STK32B: variants seen among roughly 807,000 people sequenced by gnomAD.
The protein encoded by STK32B is serine/threonine-protein kinase 32B.
A neutral mutation model predicts 52.6 loss-of-function variants in STK32B; 43 were observed. That is an observed-to-expected ratio of 0.82 (90% CI 0.64 to 1.05). The LOEUF (loss-of-function observed/expected upper bound fraction) is 1.05. STK32B is among the 50% of genes least tolerant of loss of function. The probability of loss-of-function intolerance (pLI) is 0.00; values close to 1 mark genes in which losing one functional copy is unlikely to be tolerated. For missense variants in STK32B, 621 were observed against 534.6 expected, an observed-to-expected ratio of 1.16 and a Z score of -1.59; for synonymous variants, 238 against 204.3, an observed-to-expected ratio of 1.17 and a Z score of -1.41.
rs746246839 is a variant in STK32B at position 5,426,692 on chromosome 4, CAAAAAAAA to C, written c.562+9773_562+9780del. Among the ~76,000 whole-genome samples the C allele has an allele frequency of 2.1e-4, 16 of 78,032 alleles. No individual in the cohort carries two copies. In the East Asian group the frequency reaches 2.7e-3, roughly 13 times the overall value. The allele number at this position is 78,032 out of a possible 152,430, so 51.2% of individuals were successfully genotyped here. A position where few individuals can be genotyped will look rare whatever the true frequency, so the allele number is the denominator to read the frequency against. ...GCAACAGGGCGAGACTCCATCTAAA[CAAAAAAAA>C]AAAAAAAAAAAAAAGGAAAAGAAAA... On this transcript the variant is annotated intron_variant, in intron 6 of 11. Coordinates refer to ENST00000282908, the MANE Select transcript of STK32B (RefSeq NM_018401.3).
At chr4:5,238,115 C>T (rs946358409) in intron 3 of STK32B, among the ~76,000 whole-genome samples, 6 of 152,066 alleles carry the variant, frequency 3.9e-5, no homozygotes, top group South Asian at 2.1e-4. Context: ...CTAGGACTGC[C>T]GTAAAAGATG....
the STK32B span, among the ~76,000 whole-genome samples, chr4:5,028,691 C>T: frequency 2.6e-5 from 4 of 152,302 alleles, no homozygotes; most frequent in Middle Eastern, 0.014. Context: ...ATGTCCCAGA[C>T]AATCTGTGGT....
At chr4:5,187,941 A>G (rs1032026249) in intron 3 of STK32B, among the ~76,000 whole-genome samples, 2 of 152,178 alleles carry the variant, frequency 1.3e-5, no homozygotes, top group Admixed American at 1.3e-4. Context: ...TCAACAATGT[A>G]GTAGACGTGG....
intron 3 of STK32B, among the ~76,000 whole-genome samples, chr4:5,317,501 TATATA>T (rs1731167386): frequency 1.2e-5 from 1 of 85,316 alleles, no homozygotes; most frequent in South Asian, 3.0e-4. Context: ...TAATATATAT[TATATA>T]TGTATAATAT....
intron 3 of STK32B, among the ~76,000 whole-genome samples, chr4:5,195,323 T>C (rs1721555910): frequency 6.6e-6 from 1 of 152,204 alleles, no homozygotes; most frequent in Non-Finnish European, 1.5e-5. Context: ...ATCAGATTTG[T>C]GCCTGCTGCC....
At chr4:5,208,272 G>T (rs544158693) in intron 3 of STK32B, among the ~76,000 whole-genome samples, 1 of 152,178 alleles carries the variant, frequency 6.6e-6, no homozygotes, top group African/African-American at 2.4e-5. Context: ...TCCAGCCACA[G>T]GGAGTCAGAA....
chr4:5,420,615 G>A (rs1712546371), intron 6 of STK32B, among the ~76,000 whole-genome samples: 1 of 152,172 alleles, frequency 6.6e-6, no homozygotes, highest in South Asian at 2.1e-4. Flanking sequence ...CACAGCCATG[G>A]AAGTGGACAG....
chr4:5,350,869 C>A (rs1230124277), intron 4 of STK32B, among the ~76,000 whole-genome samples: 2 of 151,694 alleles, frequency 1.3e-5, no homozygotes, highest in Non-Finnish European at 2.9e-5. Context: ...GACTTTAAGT[C>A]AAAAACTTAA....
rs550428291 is a variant in STK32B, at chr4:5,105,799, G to C, written c.53-34106G>C. Among the ~76,000 whole-genome samples, 6 of 151,996 alleles carry C rather than the reference G, an allele frequency of 3.9e-5. No homozygotes were observed. The South Asian group carries it at 1.3e-3, about 32-fold the overall frequency. On this transcript the variant is annotated intron_variant, in intron 1 of 11. Transcript: ENST00000282908. ...AGGATGGTCTCGATCTCCTGACCTAGTGATCCACCCGCCTCGGCCACCCAA... is the reference window on the plus strand; with the variant it reads ...AGGATGGTCTCGATCTCCTGACCTACTGATCCACCCGCCTCGGCCACCCAA...
intron 1 of STK32B, among the ~76,000 whole-genome samples, chr4:5,085,459 A>T (rs753967592): frequency 3.9e-5 from 6 of 152,180 alleles, no homozygotes; most frequent in Non-Finnish European, 7.3e-5. Flanking sequence ...TCACCATGGG[A>T]TGCTGTAATG....
chr4:5,446,895 G>A (rs2109122987), intron 7 of STK32B, 119 bp downstream of exon 7: 2 of 912,668 alleles, frequency 2.2e-6, no homozygotes, highest in South Asian at 1.5e-5. Flanking sequence ...GGGAGTCACT[G>A]CCCCCCAGGT....
chr4:5,195,357 C>G (rs1721559826), intron 3 of STK32B, among the ~76,000 whole-genome samples: 1 of 152,108 alleles, frequency 6.6e-6, no homozygotes, highest in South Asian at 2.1e-4. Context: ...CCTCCTTAGG[C>G]CAGCAACCTG....
chr4:5,214,295 A>G (rs1723066936), intron 3 of STK32B: 1 of 152,286 alleles, frequency 6.6e-6, no homozygotes, highest in African/African-American at 2.4e-5. Context: ...TTCCGCCATG[A>G]TTGTAAGTTT....
At chr4:5,147,085 C>G (rs189121875) in intron 2 of STK32B, among the ~76,000 whole-genome samples, 1 of 152,026 alleles carries the variant, frequency 6.6e-6, no homozygotes, top group East Asian at 1.9e-4. Flanking sequence ...ATTTAAAAGT[C>G]TATTTTAGTG....
chr4:5,139,127 A>G (rs28571734), intron 1 of STK32B, among the ~76,000 whole-genome samples: 4,010 of 152,264 alleles, frequency 0.026, 178 homozygotes, highest in African/African-American at 0.089. Context: ...CCATAGGGGT[A>G]GACAGGTGTG....
chr4:5,174,014 G>A (rs1224494308), intron 3 of STK32B, among the ~76,000 whole-genome samples: 3 of 152,024 alleles, frequency 2.0e-5, no homozygotes, highest in South Asian at 2.1e-4. Context: ...TATATTTAGG[G>A]TAGTTAGTTC....
intron 3 of STK32B, among the ~76,000 whole-genome samples, chr4:5,274,718 C>T (rs981071991): frequency 6.6e-6 from 1 of 152,104 alleles, no homozygotes; most frequent in South Asian, 2.1e-4. Context: ...GCTCTGTTTT[C>T]ACTCTTTTTC....
At chr4:5,104,724 C>T (rs1346819015) in intron 1 of STK32B, among the ~76,000 whole-genome samples, 2 of 152,136 alleles carry the variant, frequency 1.3e-5, no homozygotes, top group Non-Finnish European at 2.9e-5. Flanking sequence ...AATTGTAACA[C>T]GACTGCTTAG....
At chr4:5,246,957 G>C (rs1434322732) in intron 3 of STK32B, among the ~76,000 whole-genome samples, 2 of 152,152 alleles carry the variant, frequency 1.3e-5, no homozygotes, top group African/African-American at 2.4e-5. Context: ...GAAGTACCCG[G>C]CTGTATAAGG....
Sources: allele counts gnomAD v4.1 joint callset (sites outside exome capture counted in the v4.1 genomes callset), GRCh38; gene constraint gnomAD v4.1.1; transcripts MANE v1.5; gene names NCBI Gene and HGNC (gene_info 2026-07-23, HGNC 2026-07-21).